GSE1: variants seen among roughly 807,000 people sequenced by gnomAD.
The protein encoded by GSE1 is genetic suppressor element 1.
Under a neutral mutation model 112.6 loss-of-function variants are expected in GSE1, and 32 were observed. That is an observed-to-expected ratio of 0.28 (90% CI 0.21 to 0.38). GSE1 has a LOEUF of 0.38. Ranked by LOEUF, GSE1 falls within the 10% of genes least tolerant of loss-of-function variation. GSE1 has a pLI of 1.00. For missense variants in GSE1, 2,348 were observed against 1,699.2 expected (o/e 1.38, Z -6.71); for synonymous variants, 1,115 against 735.6 (o/e 1.52, Z -8.35).
chr16:85,639,837 C>A (rs553913350), intron 2 of GSE1, among the ~76,000 whole-genome samples: 1 of 152,244 alleles, frequency 6.6e-6, no homozygotes, highest in Non-Finnish European at 1.5e-5. Context: ...GTGCAGCAGG[C>A]GGCAGCCTCC....
chr16:85,399,177 G>C (rs1229945096), intron 2 of GSE1, among the ~76,000 whole-genome samples: 1 of 152,160 alleles, frequency 6.6e-6, no homozygotes, highest in Non-Finnish European at 1.5e-5. Context: ...TGACCGTATA[G>C]ATGTGCACGT....
chr16:85,556,691 T>TGAA (rs1198237292), intron 1 of GSE1, among the ~76,000 whole-genome samples: 143 of 138,594 alleles, frequency 1.0e-3, no homozygotes, highest in African/African-American at 3.6e-3. Flanking sequence ...CCTTCCAAGG[T>TGAA]GAAGTAAGCG....
chr16:85,208,848 T>C (rs1348735898), intron 1 of GSE1, among the ~76,000 whole-genome samples: 6 of 98,652 alleles, frequency 6.1e-5, no homozygotes, highest in African/African-American at 1.4e-4. Context: ...GGCGTTCGCC[T>C]GTGTTGGGGT....
intron 2 of GSE1, among the ~76,000 whole-genome samples, chr16:85,457,272 T>C (rs1415948056): frequency 2.6e-5 from 4 of 152,146 alleles, no homozygotes; most frequent in Non-Finnish European, 5.9e-5. Flanking sequence ...GCAAGGAAGA[T>C]GCTCTGGGAG....
At chr16:85,507,224 T>A (rs972651875) in intron 2 of GSE1, among the ~76,000 whole-genome samples, 1 of 152,242 alleles carries the variant, frequency 6.6e-6, no homozygotes, top group Non-Finnish European at 1.5e-5. Context: ...CAAGCGAGAT[T>A]GCTTTTGTCT....
intron 2 of GSE1, among the ~76,000 whole-genome samples, chr16:85,488,518 TC>T (rs1221813350): frequency 6.6e-6 from 1 of 151,838 alleles, no homozygotes. Context: ...AGCTCCCTGT[TC>T]CTGCCAGGTA....
intron 1 of GSE1, among the ~76,000 whole-genome samples, chr16:85,330,661 T>C (rs1049421864): frequency 6.6e-6 from 1 of 152,228 alleles, no homozygotes; most frequent in African/African-American, 2.4e-5. Context: ...GAGGGCATGA[T>C]GCATCATTTT....
chr16:85,637,010 T>C (rs4240779), intron 2 of GSE1, among the ~76,000 whole-genome samples: 119,939 of 152,216 alleles, frequency 0.79, 48,349 homozygotes, highest in East Asian at 1. Flanking sequence ...TGGGAGGGGT[T>C]TGCATTTCTT....
intron 7 of GSE1, among the ~76,000 whole-genome samples, 171 bp downstream of exon 7, chr16:85,656,836 C>T (rs1337120756): frequency 1.3e-5 from 2 of 152,180 alleles, no homozygotes; most frequent in Admixed American, 1.3e-4. Context: ...CGTTGGCACA[C>T]GATGTAGACA....
chr16:85,421,561 G>A (rs532749190), intron 2 of GSE1, among the ~76,000 whole-genome samples: 11 of 152,344 alleles, frequency 7.2e-5, no homozygotes, highest in East Asian at 5.8e-4. Flanking sequence ...GCTGCACAGC[G>A]ATTTTCTGAC....
intron 1 of GSE1, among the ~76,000 whole-genome samples, chr16:85,237,949 G>T (rs1408231854): frequency 2.0e-5 from 3 of 152,180 alleles, no homozygotes; most frequent in Admixed American, 6.5e-5. Flanking sequence ...CTGGGACATC[G>T]TAGGAGTTTG....
At chr16:85,478,727 G>T (rs950184898) in intron 2 of GSE1, among the ~76,000 whole-genome samples, 22 of 149,266 alleles carry the variant, frequency 1.5e-4, no homozygotes, top group Non-Finnish European at 2.4e-4. Flanking sequence ...GAGTGCAGTG[G>T]CTCCATCTCA....
intron 1 of GSE1, among the ~76,000 whole-genome samples, chr16:85,281,371 G>C (rs748717185): frequency 5.3e-5 from 8 of 151,946 alleles, no homozygotes; most frequent in Non-Finnish European, 1.2e-4. Flanking sequence ...GCTCCAAGCA[G>C]TTCCAGGCAC....
intron 2 of GSE1, among the ~76,000 whole-genome samples, chr16:85,364,960 G>A (rs891894211): frequency 6.6e-6 from 1 of 152,232 alleles, no homozygotes; most frequent in Non-Finnish European, 1.5e-5. Context: ...CCTGTGTACT[G>A]TGGTTCTGAG....
chr16:85,525,745 G>A (rs527555280), intron 2 of GSE1, among the ~76,000 whole-genome samples: 172 of 152,312 alleles, frequency 1.1e-3, no homozygotes, highest in African/African-American at 3.6e-3. Context: ...CTCCACAGTT[G>A]CTAGCTGTGT....
Position 85,404,160 on chromosome 16 carries a change from AG to A in GSE1, c.2464+46520del, listed in dbSNP as rs1156520865. Reference sequence around the variant, plus strand: ...CTGGATAATCCACACCGTTACACTCAGGGCCCCCCGGATAATCCTCACCGTT... The same window carrying A: ...CTGGATAATCCACACCGTTACACTCAGGCCCCCCGGATAATCCTCACCGTT... On this transcript the variant is annotated intron_variant, in intron 2 of 2. Coordinates refer to the GSE1 transcript ENST00000637419. 1.4e-3 allele frequency among the ~76,000 whole-genome samples: 116 copies of A among 82,368 alleles called. 4 individuals are homozygous for A. The highest frequency in any genetic ancestry group is 7.7e-3 in the Middle Eastern group (1 of 130). The allele number at this position is 82,368 out of a possible 152,430, so 54.0% of individuals were successfully genotyped here.
At chr16:85,511,315 T>C (rs2051737870) in intron 2 of GSE1, among the ~76,000 whole-genome samples, 1 of 152,124 alleles carries the variant, frequency 6.6e-6, no homozygotes, top group Non-Finnish European at 1.5e-5. Context: ...TCACCTGAGA[T>C]CAGGAGTTCG....
chr16:85,207,784 T>C (rs1019870276), intron 1 of GSE1: 3 of 152,240 alleles, frequency 2.0e-5, no homozygotes, highest in African/African-American at 4.8e-5. Context: ...CGCCACTGAT[T>C]CACTCACACA....
chr16:85,672,030 A>C (rs953642432), intron 15 of GSE1: 4 of 215,840 alleles, frequency 1.9e-5, no homozygotes, highest in African/African-American at 4.6e-5. Flanking sequence ...GCGAAGTCTC[A>C]CTCTGTCACC....
Sources: allele counts gnomAD v4.1 joint callset (sites outside exome capture counted in the v4.1 genomes callset), GRCh38; gene constraint gnomAD v4.1.1; transcripts MANE v1.5; gene names NCBI Gene and HGNC (gene_info 2026-07-23, HGNC 2026-07-21).